OR10A2: variants seen among roughly 807,000 people sequenced by gnomAD.
The protein encoded by OR10A2 is olfactory receptor 10A2.
Under a neutral mutation model 13.7 loss-of-function variants are expected in OR10A2, and 15 were observed. The ratio of observed to expected loss-of-function variants is 1.10; its 90% confidence interval spans 0.73 to 1.69. The LOEUF (loss-of-function observed/expected upper bound fraction) is 1.69. OR10A2 is among the 40% of genes most tolerant of loss of function. The pLI, the probability that OR10A2 is intolerant of heterozygous loss-of-function variation, is 0.00. For synonymous variants in OR10A2, 145 were observed against 144.7 expected, an observed-to-expected ratio of 1.00 and a Z score of -0.02; for missense variants, 343 against 361.1, an observed-to-expected ratio of 0.95 and a Z score of 0.41.
rs1303088764 is a variant in OR10A2, at chr11:6,872,455, A to C, written c.*1789A>C. On this transcript the variant is annotated 3_prime_UTR_variant, in exon 2 of 2. Coordinates refer to ENST00000641461, the MANE Select transcript of OR10A2 (RefSeq NM_001004460.2). ...TCCTCCAACTTTTCTGTAACTCTTC[A>C]AAAATAAGAATTGTTCAAGTGTTTC... 1.3e-5 allele frequency: 2 copies of C among 152,176 alleles called. No homozygotes were observed. Among genetic ancestry groups the C allele is most frequent in the Non-Finnish European group, 2.9e-5 (2 of 68,036 alleles). The allele number at this position is 152,176 out of a possible 1,614,324, so 9.4% of individuals were successfully genotyped here.
At position 6,870,248 on chromosome 11, in the gene OR10A2, T is replaced by C; in HGVS notation, c.494T>C (p.Phe165Ser). The C allele has an allele frequency of 1.2e-6, 2 of 1,614,200 alleles. No individual in the cohort carries two copies. Among genetic ancestry groups the C allele is most frequent in the East Asian group, 4.5e-5 (2 of 44,872 alleles). ...GGCACCAACAAGGTGAACCACTTCT[T>C]CTGTGACAGCCCACCTGTGCTGAGG... is the stretch of plus-strand genomic sequence containing the variant. Reference protein sequence around the residue: ...FCGTNKVNHFFCDSPPVLRLV... With the variant: ...FCGTNKVNHFSCDSPPVLRLV... Residue 165 changes from phenylalanine to serine, a missense_variant, in exon 2 of 2, where the codon TTC becomes TCC. Coordinates refer to ENST00000641461, the MANE Select transcript of OR10A2 (RefSeq NM_001004460.2).
chr11:6,867,826 T>C (rs1049945591), intron 1 of OR10A2, among the ~76,000 whole-genome samples: 1 of 152,180 alleles, frequency 6.6e-6, no homozygotes, highest in Admixed American at 6.5e-5. Flanking sequence ...CACAGCTCAA[T>C]GTAGCCTCAA....
chr11:6,872,574 A>C lies in OR10A2; in HGVS notation c.*1908A>C, dbSNP rs1848444795. ...ATTATGGCTCACTGTAGCCTCAAAC[A>C]CCTGGGCTCAGGCCATCTTCCTGCC... On this transcript the variant is annotated 3_prime_UTR_variant, in exon 2 of 2. Coordinates refer to ENST00000641461, the MANE Select transcript of OR10A2 (RefSeq NM_001004460.2). The C allele has an allele frequency of 6.6e-6, 1 of 152,080 alleles. No individual in the cohort carries two copies. Among genetic ancestry groups the C allele is most frequent in the Non-Finnish European group, 1.5e-5 (1 of 68,014 alleles). The allele number at this position is 152,080 out of a possible 1,614,324, so 9.4% of individuals were successfully genotyped here. A position where few individuals can be genotyped will look rare whatever the true frequency, so the allele number is the denominator to read the frequency against.
intron 1 of OR10A2, among the ~76,000 whole-genome samples, chr11:6,865,253 T>A (rs1356906573): frequency 6.6e-6 from 1 of 150,572 alleles, no homozygotes; most frequent in Non-Finnish European, 1.5e-5. Flanking sequence ...CCACTTGAAA[T>A]AGGTCACTTT....
rs1848449730 is a variant in OR10A2, at chr11:6,872,827, T to C, written c.*2161T>C. 10 of 126,606 alleles carry C rather than the reference T, an allele frequency of 7.9e-5. No individual in the cohort carries two copies. The highest frequency in any genetic ancestry group is 7.2e-4 in the Admixed American group (9 of 12,472). The allele number at this position is 126,606 out of a possible 1,614,324, so 7.8% of individuals were successfully genotyped here. ...TTCTTTTCTTTCTTTCTTTTTTTTT[T>C]TTTTTTTGAGACAAAGGTCTGCTCT... On this transcript the variant is annotated 3_prime_UTR_variant, in exon 2 of 2. Coordinates refer to ENST00000641461, the MANE Select transcript of OR10A2 (RefSeq NM_001004460.2).
intron 1 of OR10A2, among the ~76,000 whole-genome samples, chr11:6,868,109 T>C (rs1848394320): frequency 6.6e-6 from 1 of 152,214 alleles, no homozygotes; most frequent in Non-Finnish European, 1.5e-5. Context: ...TCTTTTATTA[T>C]TTTTTAAACT....
chr11:6,863,729 G>A (rs1049851796), intron 1 of OR10A2, among the ~76,000 whole-genome samples: 5 of 152,108 alleles, frequency 3.3e-5, no homozygotes, highest in Non-Finnish European at 5.9e-5. Flanking sequence ...GAACATTTAT[G>A]AGATGGAGAA....
Position 6,873,141 on chromosome 11 carries a change from T to A in OR10A2, c.*2475T>A, listed in dbSNP as rs1011648290. On this transcript the variant is annotated 3_prime_UTR_variant, in exon 2 of 2. Transcript: ENST00000641461. ...TTTCCCTTTTAATATGACGTAGGCA[T>A]TCCTGAAAAGCTTATGTAATGCAAA... 6.6e-6 allele frequency: 1 copy of A among 152,170 alleles called. No individual in the cohort carries two copies. The highest frequency in any genetic ancestry group is 1.5e-5 in the Non-Finnish European group (1 of 68,038). The allele number at this position is 152,170 out of a possible 1,614,324, so 9.4% of individuals were successfully genotyped here.
Position 6,873,549 on chromosome 11 carries a change from G to T in OR10A2, c.*2883G>T, listed in dbSNP as rs1049418531. ...GGATTCCAACAGAAGAGTGCCACAT[G>T]CACAAACACAGGAGTGCTGAGAGAC... is the stretch of plus-strand genomic sequence containing the variant. On this transcript the variant is annotated 3_prime_UTR_variant, in exon 2 of 2. Coordinates refer to ENST00000641461, the MANE Select transcript of OR10A2 (RefSeq NM_001004460.2). The T allele has an allele frequency of 6.6e-6, 1 of 152,218 alleles. No individual in the cohort carries two copies. Among genetic ancestry groups the T allele is most frequent in the Non-Finnish European group, 1.5e-5 (1 of 68,040 alleles). The allele number at this position is 152,218 out of a possible 1,614,324, so 9.4% of individuals were successfully genotyped here. A position where few individuals can be genotyped will look rare whatever the true frequency, so the allele number is the denominator to read the frequency against.
chr11:6,868,536 T>C (rs1848397966), intron 1 of OR10A2, among the ~76,000 whole-genome samples: 1 of 152,190 alleles, frequency 6.6e-6, no homozygotes, highest in African/African-American at 2.4e-5. Context: ...ATCTATAAAA[T>C]AAAGTCCAAA....
rs772323865 is a variant in OR10A2, at chr11:6,870,656, G to A, written c.902G>A (p.Cys301Tyr). 4.4e-6 allele frequency: 7 copies of A among 1,576,566 alleles called. No individual in the cohort carries two copies. Among genetic ancestry groups the A allele is most frequent in the East Asian group, 2.2e-5 (1 of 44,660 alleles). Residue 301 changes from cysteine (C) to tyrosine (Y), a missense_variant, in exon 2 of 2, where the codon TGT becomes TAT. By Grantham distance (194) the Cys-to-Tyr change is radical. Coordinates refer to ENST00000641461, the MANE Select transcript of OR10A2 (RefSeq NM_001004460.2). ...TCTAAGGCCCTAGCCCTCAGAAACTGTATCCCATAGACCTTAGGAAGTAAG... is the reference window on the plus strand; with the variant it reads ...TCTAAGGCCCTAGCCCTCAGAAACTATATCCCATAGACCTTAGGAAGTAAG... ...TVSKALALRN[C>Y]IP
chr11:6,863,912 T>G (rs1451530861), intron 1 of OR10A2, among the ~76,000 whole-genome samples: 1 of 152,240 alleles, frequency 6.6e-6, no homozygotes, highest in Non-Finnish European at 1.5e-5. Flanking sequence ...AAGATGGCTT[T>G]GAATGTGGCC....
intron 1 of OR10A2, among the ~76,000 whole-genome samples, chr11:6,869,310 G>A (rs1248810128): frequency 1.3e-5 from 2 of 152,088 alleles, no homozygotes; most frequent in African/African-American, 2.4e-5. Context: ...CTAAAGTTTT[G>A]ATAAATTTAA....
intron 1 of OR10A2, among the ~76,000 whole-genome samples, chr11:6,867,514 G>A (rs965336675): frequency 2.6e-5 from 4 of 151,572 alleles, no homozygotes; most frequent in Non-Finnish European, 5.9e-5. Context: ...GCCTGGCCTC[G>A]ATATTCAATA....
Position 6,874,533 on chromosome 11 carries a change from T to A in OR10A2, c.*3867T>A, listed in dbSNP as rs944962603. ...ACCTGTGGGCTCAGATTTATTCCCA[T>A]TCTGAAAAAATGAGTGCAAGTGTCA... On this transcript the variant is annotated 3_prime_UTR_variant, in exon 2 of 2. Transcript: ENST00000641461. 1 of 152,202 alleles carries A rather than the reference T, an allele frequency of 6.6e-6. No individual in the cohort carries two copies. Among genetic ancestry groups the A allele is most frequent in the African/African-American group, 2.4e-5 (1 of 41,446 alleles). The allele number at this position is 152,202 out of a possible 1,614,324, so 9.4% of individuals were successfully genotyped here.
chr11:6,871,790 C>G lies in OR10A2; in HGVS notation c.*1124C>G, dbSNP rs1848438011. 2 of 152,132 alleles carry G rather than the reference C, an allele frequency of 1.3e-5. No individual in the cohort carries two copies. The highest frequency in any genetic ancestry group is 1.5e-5 in the Non-Finnish European group (1 of 68,026). The allele number at this position is 152,132 out of a possible 1,614,324, so 9.4% of individuals were successfully genotyped here. On this transcript the variant is annotated 3_prime_UTR_variant, in exon 2 of 2. Transcript: ENST00000641461. ...TGTAGATGTGCCCTAATTTATTTAG[C>G]CAGTCTTTTACTACTACAAATCATG...
In OR10A2 at chr11:6,869,988, C is replaced by T. The variant is rs1260903984; in HGVS notation, c.234C>T (p.Thr78=). The change falls in exon 2 of 2, where the codon ACC becomes ACT. Residue 78 remains threonine (T), a synonymous_variant. Coordinates refer to ENST00000641461, the MANE Select transcript of OR10A2 (RefSeq NM_001004460.2). The part of the protein sequence containing the change: ...MLGTLLAQDT[T]ISFLGCATQM... ...GGACCCTGCTTGCCCAGGACACAAC[C>T]ATCTCCTTCCTTGGCTGTGCCACTC... 9 of 1,614,114 alleles carry T rather than the reference C, an allele frequency of 5.6e-6. No homozygotes were observed. The highest frequency in any genetic ancestry group is 7.6e-6 in the Non-Finnish European group (9 of 1,180,058).
intron 1 of OR10A2, among the ~76,000 whole-genome samples, chr11:6,864,689 C>T (rs1039198588): frequency 6.6e-6 from 1 of 151,894 alleles, no homozygotes; most frequent in Non-Finnish European, 1.5e-5. Flanking sequence ...AATGATGTCA[C>T]ATGAAAAGGC....
chr11:6,870,035 T>C lies in OR10A2; in HGVS notation c.281T>C (p.Phe94Ser). Residue 94 changes from phenylalanine (F) to serine (S), a missense_variant, in exon 2 of 2, where the codon TTT (phenylalanine) becomes TCT (serine). By Grantham distance (155) the Phe-to-Ser change is radical. Coordinates refer to ENST00000641461, the MANE Select transcript of OR10A2 (RefSeq NM_001004460.2). ...CATQMYFFFFFGVAECFLLAT... is the reference protein window; with the variant it reads ...CATQMYFFFFSGVAECFLLAT... ...ACTCAGATGTATTTCTTCTTCTTCT[T>C]TGGAGTGGCTGAATGCTTCCTCCTG... is the stretch of plus-strand genomic sequence containing the variant. The C allele has an allele frequency of 6.2e-7, 1 of 1,614,234 alleles. No individual in the cohort carries two copies.
Sources: allele counts gnomAD v4.1 joint callset (sites outside exome capture counted in the v4.1 genomes callset), GRCh38; gene constraint gnomAD v4.1.1; transcripts MANE v1.5; gene names NCBI Gene and HGNC (gene_info 2026-07-23, HGNC 2026-07-21).